The following TANK variants were observed in gnomAD, a reference collection of about 807,000 sequenced individuals.
TANK encodes the protein TRAF family member-associated NF-kappa-B activator.
A neutral mutation model predicts 43.6 loss-of-function variants in TANK; 15 were observed. The ratio of observed to expected loss-of-function variants is 0.34; its 90% confidence interval spans 0.23 to 0.53. The LOEUF (loss-of-function observed/expected upper bound fraction) is 0.53, where lower values mean the gene tolerates loss of function less well. Ranked by LOEUF, TANK falls within the 20% of genes least tolerant of loss-of-function variation. The pLI, the probability that TANK is intolerant of heterozygous loss-of-function variation, is 0.94. For missense variants in TANK, 417 were observed against 498.6 expected (o/e 0.84, Z 1.56); for synonymous variants, 162 against 178.2 (o/e 0.91, Z 0.73).
upstream of TANK, among the ~76,000 whole-genome samples, chr2:161,159,617 G>C (rs1486725443): frequency 2.6e-5 from 4 of 152,176 alleles, no homozygotes; most frequent in Non-Finnish European, 4.4e-5. Context: ...TAAATCCTTG[G>C]ACTTACTGGC....
intron 1 of TANK, among the ~76,000 whole-genome samples, chr2:161,146,858 G>A (rs1226531795): frequency 6.6e-6 from 1 of 152,140 alleles, no homozygotes; most frequent in East Asian, 1.9e-4. Context: ...CTTGGTGGAG[G>A]GGGTGTGCTT....
chr2:161,200,223 C>G (rs1297813664), intron 2 of TANK: 1 of 295,318 alleles, frequency 3.4e-6, no homozygotes, highest in Non-Finnish European at 5.0e-6. Context: ...TGCTGTTGTA[C>G]ATTTTCAATG....
intron 2 of TANK, among the ~76,000 whole-genome samples, chr2:161,186,968 A>G (rs1020797385): frequency 3.9e-5 from 6 of 152,248 alleles, no homozygotes; most frequent in African/African-American, 1.4e-4. Flanking sequence ...ACAATTTGAT[A>G]TCATCTCACC....
intron 2 of TANK, among the ~76,000 whole-genome samples, chr2:161,202,020 C>A (rs1180162078): frequency 1.3e-5 from 2 of 152,144 alleles, no homozygotes; most frequent in Admixed American, 6.5e-5. Flanking sequence ...CATATGAATT[C>A]TGTGGGGAAT....
chr2:161,168,760 G>C (rs1684811361), intron 1 of TANK, among the ~76,000 whole-genome samples: 2 of 152,194 alleles, frequency 1.3e-5, no homozygotes. Flanking sequence ...TTGAATCCCG[G>C]AGGTGGAGGT....
intron 1 of TANK, chr2:161,160,791 GAAAT>G (rs1232990471): frequency 3.6e-6 from 2 of 556,962 alleles, no homozygotes; most frequent in Non-Finnish European, 7.1e-6. Context: ...CTTTGCCCGG[GAAAT>G]GGGGGTGGAA....
Position 161,179,755 on chromosome 2 carries a change from G to T in TANK, c.93G>T (p.Gln31His), listed in dbSNP as rs780618064. The part of the protein sequence containing the change: ...MDRDSAVKEL[Q>H]QKTENYEQRI... Reference sequence around the variant, plus strand: ...GAGATTCTGCAGTAAAAGAATTACAGCAAAAGGTGTGTGGTTCTGGTTTTG... The same window carrying T: ...GAGATTCTGCAGTAAAAGAATTACATCAAAAGGTGTGTGGTTCTGGTTTTG... The change falls in exon 2 of 8, where the codon CAG (glutamine) becomes CAT (histidine). Residue 31 changes from glutamine (Q) to histidine (H), a missense_variant. Gln to His is a conservative substitution (Grantham distance 24). Transcript: ENST00000392749. 1 of 1,611,500 alleles carries T rather than the reference G, an allele frequency of 6.2e-7. No homozygotes were observed. Among genetic ancestry groups the T allele is most frequent in the Non-Finnish European group, 8.5e-7 (1 of 1,178,498 alleles).
intron 4 of TANK, among the ~76,000 whole-genome samples, chr2:161,213,470 G>C (rs889951506): frequency 4.6e-5 from 7 of 151,990 alleles, no homozygotes; most frequent in Admixed American, 1.3e-4. Context: ...AGGCATGATG[G>C]TGGGTGCTTG....
At chr2:161,161,042 G>C (rs575156026) in intron 1 of TANK, 1 of 570,758 alleles carries the variant, frequency 1.8e-6, no homozygotes, top group Non-Finnish European at 3.0e-6. Context: ...CACGGAGGGA[G>C]TGGGTGGCCA....
At chr2:161,192,808 G>A (rs551199658) in intron 2 of TANK, among the ~76,000 whole-genome samples, 24 of 152,184 alleles carry the variant, frequency 1.6e-4, no homozygotes, top group Non-Finnish European at 2.4e-4. Context: ...ATTTTCAAAT[G>A]AAGAAACCTA....
intron 4 of TANK, among the ~76,000 whole-genome samples, chr2:161,215,647 T>TTTAA (rs1559001225): frequency 6.6e-6 from 1 of 152,160 alleles, no homozygotes; most frequent in East Asian, 1.9e-4. Flanking sequence ...CTTAGCTTTG[T>TTTAA]TTAAGTACAG....
upstream of TANK, chr2:161,156,108 G>C: frequency 1.0e-6 from 1 of 985,316 alleles, no homozygotes; most frequent in Non-Finnish European, 1.2e-6. Flanking sequence ...TATATCTGTG[G>C]TTGCCGTCTC....
Position 161,231,299 on chromosome 2 carries a change from A to T in TANK, c.849A>T (p.Thr283=), listed in dbSNP as rs1201943092. 1 of 1,614,180 alleles carries T rather than the reference A, an allele frequency of 6.2e-7. No homozygotes were observed. The change falls in exon 7 of 8, where the codon ACA becomes ACT. Residue 283 remains threonine (T), a synonymous_variant. Transcript: ENST00000392749. ...ACAACCCAGGGAACTTTGTTAAAAC[A>T]GAAGAAACTTTATTTGAAATTCAGG... is the stretch of plus-strand genomic sequence containing the variant. The part of the protein sequence containing the change: ...FRDNPGNFVK[T]EETLFEIQGI...
chr2:161,169,199 A>G (rs888280129), intron 1 of TANK, among the ~76,000 whole-genome samples: 8 of 152,236 alleles, frequency 5.3e-5, no homozygotes, highest in African/African-American at 1.9e-4. Flanking sequence ...ATAGAGAGCA[A>G]CTAGTCTAGA....
At chr2:161,148,807 A>G (rs780431866) in intron 1 of TANK, among the ~76,000 whole-genome samples, 3 of 152,076 alleles carry the variant, frequency 2.0e-5, no homozygotes, top group Non-Finnish European at 4.4e-5. Flanking sequence ...TGGCACCCTT[A>G]TAAGTGTTTA....
At chr2:161,211,181 A>G (rs1379436940) in intron 4 of TANK, among the ~76,000 whole-genome samples, 2 of 152,222 alleles carry the variant, frequency 1.3e-5, no homozygotes, top group African/African-American at 4.8e-5. Flanking sequence ...CAGTTTTGGC[A>G]GGCAGTACAT....
rs759983169 is a variant in TANK, at chr2:161,231,505, T to C, written c.1055T>C (p.Phe352Ser). The C allele has an allele frequency of 1.2e-6, 2 of 1,613,468 alleles. No individual in the cohort carries two copies. The highest frequency in any genetic ancestry group is 2.2e-5 in the South Asian group (2 of 91,078). ...FPLLDPSDAP[F>S]PSLDSPGKAI... ...CTTCTGGACCCATCTGATGCACCTTTTCCCTCACTCGATTCCCCGGGAAAA... is the reference window on the plus strand; with the variant it reads ...CTTCTGGACCCATCTGATGCACCTTCTCCCTCACTCGATTCCCCGGGAAAA... Residue 352 changes from phenylalanine (F) to serine (S), a missense_variant, in exon 7 of 8, where the codon TTT becomes TCT. Coordinates refer to ENST00000392749, the MANE Select transcript of TANK (RefSeq NM_001199135.3).
Position 161,179,845 on chromosome 2 carries a change from G to T in TANK, c.99+84G>T, listed in dbSNP as rs1412344659. ...TTTTGCATCTGAAAAATGTTATATT[G>T]TTAGAAATTGCCCTGAAGAACTATA... On this transcript the variant is annotated intron_variant, in intron 2 of 7. Transcript: ENST00000392749. 10 of 1,465,028 alleles carry T rather than the reference G, an allele frequency of 6.8e-6. No homozygotes were observed. The East Asian group carries it at 2.0e-4, about 29-fold the overall frequency. The allele number at this position is 1,465,028 out of a possible 1,614,324, so 90.8% of individuals were successfully genotyped here.
intron 1 of TANK, among the ~76,000 whole-genome samples, chr2:161,167,549 G>A (rs1006652574): frequency 2.6e-5 from 4 of 152,138 alleles, no homozygotes; most frequent in Non-Finnish European, 5.9e-5. Context: ...CAGCTGCCTT[G>A]GACACACTTC....
Sources: allele counts gnomAD v4.1 joint callset (sites outside exome capture counted in the v4.1 genomes callset), GRCh38; gene constraint gnomAD v4.1.1; transcripts MANE v1.5; gene names NCBI Gene and HGNC (gene_info 2026-07-23, HGNC 2026-07-21).